SMG1: variants seen among roughly 807,000 people sequenced by gnomAD.
The protein encoded by SMG1 is SMG1 nonsense mediated mRNA decay associated PI3K related kinase.
In SMG1, 22 loss-of-function variants were observed where a neutral mutation model predicts 419.9. The ratio of observed to expected loss-of-function variants is 0.05; its 90% CI spans 0.04 to 0.07. The LOEUF is 0.07. Ranked by LOEUF, SMG1 falls within the 10% of genes least tolerant of loss-of-function variation. The probability of loss-of-function intolerance (pLI) is 1.00; values close to 1 mark genes in which losing one functional copy is unlikely to be tolerated. For synonymous variants in SMG1, 1,538 were observed against 1,553.5 expected, an observed-to-expected ratio of 0.99 and a Z score of 0.23; for missense variants, 3,185 against 4,342.0, an observed-to-expected ratio of 0.73 and a Z score of 7.49.
chr16:18,893,067 A>T (rs1189938441), intron 3 of SMG1, among the ~76,000 whole-genome samples: 4 of 152,238 alleles, frequency 2.6e-5, no homozygotes, highest in African/African-American at 9.6e-5. Flanking sequence ...ATAAAGTCTC[A>T]ATCAAGTAAA....
At chr16:18,916,606 C>CA (rs1409512537) in intron 1 of SMG1, among the ~76,000 whole-genome samples, 8 of 147,124 alleles carry the variant, frequency 5.4e-5, no homozygotes, top group African/African-American at 2.0e-4. Context: ...TTATACTCTA[C>CA]ATTAAAAAAC....
At chr16:18,916,443 G>A (rs965330622) in intron 1 of SMG1, among the ~76,000 whole-genome samples, 12 of 150,270 alleles carry the variant, frequency 8.0e-5, no homozygotes, top group Admixed American at 1.3e-4. Flanking sequence ...TGAACCCCGG[G>A]GGGTGGAGCC....
chr16:18,871,507 C>G (rs745468091), intron 15 of SMG1, 25 bp from the exon 16 acceptor site: 5 of 1,322,296 alleles, frequency 3.8e-6, no homozygotes, highest in African/African-American at 1.5e-5. Context: ...ATACAGTTGA[C>G]TGTACATTAA....
chr16:18,836,323 A>G (rs1244980872), intron 47 of SMG1, 37 bp downstream of exon 47: 11 of 1,602,914 alleles, frequency 6.9e-6, no homozygotes, highest in Non-Finnish European at 8.5e-6. Context: ...TAAAACTCAT[A>G]GTTTCACATG....
chr16:18,920,917 C>T lies in SMG1; in HGVS notation c.92+5033G>A, dbSNP rs554129324. On this transcript the variant is annotated intron_variant, in intron 1 of 62. Coordinates refer to ENST00000446231, the MANE Select transcript of SMG1 (RefSeq NM_015092.5). ...CTTTGGGAGGCCGAAGCCGGTGGAT[C>T]ACCTGAGGTCAGCAGTTCAAGACCA... is the stretch of plus-strand genomic sequence containing the variant. Among the ~76,000 whole-genome samples, 26 of 152,150 alleles carry T rather than the reference C, an allele frequency of 1.7e-4. No homozygotes were observed. In the South Asian group the frequency reaches 3.7e-3, roughly 22 times the overall value.
intron 26 of SMG1, among the ~76,000 whole-genome samples, 160 bp from the exon 27 acceptor site, chr16:18,859,863 A>C (rs1340342129): frequency 1.3e-5 from 2 of 152,182 alleles, no homozygotes; most frequent in Non-Finnish European, 2.9e-5. Flanking sequence ...TAAAAATCAT[A>C]CTTCATACAA....
At position 18,897,936 on chromosome 16, in the gene SMG1, A is replaced by G. The variant is rs146282008; in HGVS notation, c.93-980T>C. On this transcript the variant is annotated intron_variant, in intron 1 of 62. Coordinates refer to ENST00000446231, the MANE Select transcript of SMG1 (RefSeq NM_015092.5). ...AAAGAAAATCACTTCTATGATATTT[A>G]CTAAAAATGCTTTCTCAACCTTTTA... 6.7e-3 allele frequency among the ~76,000 whole-genome samples: 1,016 copies of G among 152,172 alleles called. 9 individuals carry two copies. The highest frequency in any genetic ancestry group is 0.022 in the African/African-American group (901 of 41,532).
chr16:18,837,983 GA>G, intron 45 of SMG1, 30 bp downstream of exon 45: 7 of 1,601,620 alleles, frequency 4.4e-6, no homozygotes, highest in Non-Finnish European at 6.0e-6. Flanking sequence ...ATAAAAAGAA[GA>G]CAATGACTTA....
In SMG1 at chr16:18,864,068, C is replaced by T; in HGVS notation, c.3427G>A (p.Asp1143Asn). The T allele has an allele frequency of 6.5e-7, 1 of 1,549,746 alleles. No homozygotes were observed. The highest frequency in any genetic ancestry group is 1.2e-5 in the South Asian group (1 of 83,972). Residue 1143 changes from aspartate to asparagine, a missense_variant, in exon 24 of 63, where the codon GAC becomes AAC. Asp to Asn is a conservative substitution (Grantham distance 23). Coordinates refer to ENST00000446231, the MANE Select transcript of SMG1 (RefSeq NM_015092.5). Reference sequence around the variant, plus strand: ...TTGGCTAAGGTGAGCACCGATTTGTCAAAGCTGGAGATGCAGCAATCAACA... The same window carrying T: ...TTGGCTAAGGTGAGCACCGATTTGTTAAAGCTGGAGATGCAGCAATCAACA... Reference protein sequence around the residue: ...TGVDCCISSFDKSVLTLANAG... With the variant: ...TGVDCCISSFNKSVLTLANAG...
At chr16:18,872,068 C>T (rs2035852905) in intron 15 of SMG1, 116 bp downstream of exon 15, 2 of 537,944 alleles carry the variant, frequency 3.7e-6, no homozygotes, top group Non-Finnish European at 6.4e-6. Flanking sequence ...GCTGCTCTAC[C>T]TCACCTCTAT....
chr16:18,834,868 C>T, intron 49 of SMG1, 24 bp downstream of exon 49: 1 of 1,604,310 alleles, frequency 6.2e-7, no homozygotes, highest in Non-Finnish European at 8.5e-7. Flanking sequence ...AGGAAATGGT[C>T]CAATATGAAG....
chr16:18,814,864 C>G (rs951160066), intron 60 of SMG1, among the ~76,000 whole-genome samples: 1 of 148,122 alleles, frequency 6.8e-6, no homozygotes, highest in Non-Finnish European at 1.5e-5. Context: ...GGGTGTGAGC[C>G]ACCTCGCCCG....
intron 1 of SMG1, among the ~76,000 whole-genome samples, chr16:18,920,389 A>G (rs2038151625): frequency 6.6e-6 from 1 of 151,788 alleles, no homozygotes; most frequent in African/African-American, 2.4e-5. Flanking sequence ...TCTCAAAAAA[A>G]AAAAAAAAAA....
Position 18,829,564 on chromosome 16 carries a change from A to T in SMG1, c.9325T>A (p.Phe3109Ile). 1 of 1,614,014 alleles carries T rather than the reference A, an allele frequency of 6.2e-7. No individual in the cohort carries two copies. Among genetic ancestry groups the T allele is most frequent in the Non-Finnish European group, 8.5e-7 (1 of 1,179,880 alleles). Residue 3109 changes from phenylalanine (F) to isoleucine (I), a missense_variant, in exon 54 of 63, where the codon TTT (phenylalanine) becomes ATT (isoleucine). Coordinates refer to ENST00000446231, the MANE Select transcript of SMG1 (RefSeq NM_015092.5). ...ATGTCTACACCCAGAGCACTGATAA[A>T]ACTGCACAGTGTGAGTCCGAGGGCT... ...NQALGLTLCS[F>I]ISALGVDIIA...
chr16:18,886,030 T>C (rs2036598234), intron 6 of SMG1, among the ~76,000 whole-genome samples: 1 of 152,194 alleles, frequency 6.6e-6, no homozygotes, highest in Non-Finnish European at 1.5e-5. Context: ...CAAATACTGT[T>C]TTCTCTTCTT....
intron 38 of SMG1, 26 bp downstream of exon 38, chr16:18,847,427 C>G: frequency 6.2e-7 from 1 of 1,610,180 alleles, no homozygotes; most frequent in African/African-American, 1.3e-5. Context: ...GCTTCACTGT[C>G]TCAGGACAAG....
intron 50 of SMG1, among the ~76,000 whole-genome samples, chr16:18,833,698 G>A (rs1453375816): frequency 1.3e-5 from 2 of 152,006 alleles, no homozygotes; most frequent in Non-Finnish European, 2.9e-5. Context: ...TCAGCATACC[G>A]ACTACCCTAC....
chr16:18,915,995 G>A (rs1175620955), intron 1 of SMG1, among the ~76,000 whole-genome samples: 6 of 149,176 alleles, frequency 4.0e-5, no homozygotes, highest in African/African-American at 1.5e-4. Context: ...CTTGAACCCG[G>A]GAGGCAGAGG....
At chr16:18,905,336 G>T (rs974410674) in intron 1 of SMG1, among the ~76,000 whole-genome samples, 2 of 152,000 alleles carry the variant, frequency 1.3e-5, no homozygotes, top group African/African-American at 4.8e-5. Context: ...TGGACTCTTC[G>T]CAGACAAACC....
Sources: gnomAD v4.1 joint callset for allele counts (sites outside exome capture counted in the v4.1 genomes callset) on GRCh38, gnomAD v4.1.1 for gene constraint, MANE v1.5 for transcripts, NCBI Gene and HGNC (gene_info 2026-07-23, HGNC 2026-07-21) for gene names.